The following MBD2 variants were observed in gnomAD, a reference collection of about 807,000 sequenced individuals.
MBD2 encodes the protein methyl-CpG-binding domain protein 2.
MBD2 carries 9 observed loss-of-function variants against 39.3 expected under a neutral mutation model. The observed-to-expected ratio is 0.23, with a 90% CI of 0.14 to 0.40. The LOEUF (loss-of-function observed/expected upper bound fraction) is 0.40, where lower values mean the gene tolerates loss of function less well. Among genes scored for constraint, MBD2 ranks in the 10% least tolerant of loss-of-function variants. MBD2 has a pLI of 1.00. For synonymous variants in MBD2, 233 were observed against 211.1 expected (o/e 1.10, Z -0.90); for missense variants, 458 against 532.6 (o/e 0.86, Z 1.38).
At chr18:54,164,397 A>G in intron 5 of MBD2, 126 bp downstream of exon 5, 1 of 827,226 alleles carries the variant, frequency 1.2e-6, no homozygotes, top group Non-Finnish European at 1.9e-6. Context: ...ACTCTGTTAA[A>G]AAAGAAAAGT....
At chr18:54,160,995 C>G (rs2086093387) in intron 5 of MBD2, among the ~76,000 whole-genome samples, 1 of 151,614 alleles carries the variant, frequency 6.6e-6, no homozygotes, top group Non-Finnish European at 1.5e-5. Context: ...AAGTAATTTT[C>G]TCTACCAATA....
At chr18:54,169,559 A>G (rs1262759769) in intron 3 of MBD2, among the ~76,000 whole-genome samples, 1 of 152,238 alleles carries the variant, frequency 6.6e-6, no homozygotes, top group Non-Finnish European at 1.5e-5. Flanking sequence ...TTAGAAGTCC[A>G]AAGACAGTAA....
intron 3 of MBD2, among the ~76,000 whole-genome samples, chr18:54,172,207 G>GT (rs2086183580): frequency 6.6e-6 from 1 of 152,300 alleles, no homozygotes; most frequent in East Asian, 1.9e-4. Flanking sequence ...CCAGCATAGA[G>GT]TTTTATGGGG....
intron 6 of MBD2, among the ~76,000 whole-genome samples, chr18:54,155,632 A>G (rs2086046878): frequency 6.6e-6 from 1 of 152,244 alleles, no homozygotes; most frequent in Admixed American, 6.5e-5. Context: ...CAAAGGGCAT[A>G]CAAATGAAAA....
chr18:54,213,609 T>C (rs1314639953), intron 1 of MBD2, among the ~76,000 whole-genome samples: 1 of 152,082 alleles, frequency 6.6e-6, no homozygotes, highest in Admixed American at 6.5e-5. Context: ...AAAAGAAAAA[T>C]ACTGGTTATT....
intron 2 of MBD2, among the ~76,000 whole-genome samples, chr18:54,192,151 T>G (rs1413393158): frequency 6.6e-6 from 1 of 152,224 alleles, no homozygotes; most frequent in Non-Finnish European, 1.5e-5. Context: ...TTAAGCAGCT[T>G]CACACATAAA....
intron 5 of MBD2, among the ~76,000 whole-genome samples, chr18:54,163,197 G>A (rs930993322): frequency 1.5e-4 from 23 of 152,214 alleles, no homozygotes; most frequent in African/African-American, 2.6e-4. Flanking sequence ...GCTTGAACCC[G>A]GGAGGCAGAG....
chr18:54,223,295 T>C (rs138563051), intron 1 of MBD2, among the ~76,000 whole-genome samples: 166 of 152,308 alleles, frequency 1.1e-3, no homozygotes, highest in East Asian at 1.9e-4. Context: ...AGGTGACAAT[T>C]TGGGCCAGAT....
intron 6 of MBD2, among the ~76,000 whole-genome samples, chr18:54,157,281 G>A (rs1174686356): frequency 6.7e-6 from 1 of 149,180 alleles, no homozygotes; most frequent in Non-Finnish European, 1.5e-5. Context: ...TTTTTTTTGA[G>A]ACAGAGTCTC....
intron 2 of MBD2, among the ~76,000 whole-genome samples, chr18:54,189,687 T>C (rs1235545550): frequency 6.6e-6 from 1 of 152,144 alleles, no homozygotes; most frequent in Non-Finnish European, 1.5e-5. Flanking sequence ...TCTCACTCTG[T>C]TGCCCAGACT....
At chr18:54,178,350 C>T (rs1361235737) in intron 3 of MBD2, among the ~76,000 whole-genome samples, 1 of 151,970 alleles carries the variant, frequency 6.6e-6, no homozygotes, top group Non-Finnish European at 1.5e-5. Flanking sequence ...TATATAAACA[C>T]AGTGACAGAA....
intron 1 of MBD2, among the ~76,000 whole-genome samples, chr18:54,207,985 C>T (rs2144335655): frequency 6.6e-6 from 1 of 152,168 alleles, no homozygotes; most frequent in Middle Eastern, 3.4e-3. Context: ...TTGCAGTGAG[C>T]TGAGATCGCA....
In MBD2 at chr18:54,171,352, G is replaced by A. The variant is rs191086716; in HGVS notation, c.841-5186C>T. Among the ~76,000 whole-genome samples the A allele has an allele frequency of 1.1e-4, 17 of 151,698 alleles. 1 individual carries two copies. In the South Asian group the frequency reaches 1.7e-3, roughly 15 times the overall value. On this transcript the variant is annotated intron_variant, in intron 3 of 6. Coordinates refer to ENST00000256429, the MANE Select transcript of MBD2 (RefSeq NM_003927.5). ...GTGGAGGTTGCAGTGAGCTGGGATC[G>A]CACCATTGCACTCCAGCCTGGGTGA...
At chr18:54,157,132 T>A (rs2086057957) in intron 6 of MBD2, among the ~76,000 whole-genome samples, 1 of 151,944 alleles carries the variant, frequency 6.6e-6, no homozygotes, top group African/African-American at 2.4e-5. Context: ...GCATATTAAG[T>A]ATACTCATCA....
rs371695799 is a variant in MBD2 at position 54,203,065 on chromosome 18, G to A, written c.702+1933C>T. ...TATGAGCAAGCAGAGTCTTGAAAGCGCATGCCATGGTGCAGGACGATGAGT... is the reference window on the plus strand; with the variant it reads ...TATGAGCAAGCAGAGTCTTGAAAGCACATGCCATGGTGCAGGACGATGAGT... On this transcript the variant is annotated intron_variant, in intron 2 of 6. Coordinates refer to ENST00000256429, the MANE Select transcript of MBD2 (RefSeq NM_003927.5). The A allele has an allele frequency of 1.0e-5, 15 of 1,484,292 alleles. No homozygotes were observed. The African/African-American group carries it at 1.2e-4, about 12-fold the overall frequency. The allele number at this position is 1,484,292 out of a possible 1,614,324, so 91.9% of individuals were successfully genotyped here.
intron 2 of MBD2, 80 bp from the exon 3 acceptor site, chr18:54,189,091 T>C: frequency 1.1e-6 from 1 of 929,980 alleles, no homozygotes; most frequent in South Asian, 2.4e-5. Context: ...CAATATCTAT[T>C]ACTTTAAATC....
chr18:54,157,650 T>C lies in MBD2; in HGVS notation c.*12+2115A>G, dbSNP rs184712627. Among the ~76,000 whole-genome samples, 171 of 152,314 alleles carry C rather than the reference T, an allele frequency of 1.1e-3. 2 individuals carry two copies. The highest frequency in any genetic ancestry group is 3.9e-3 in the African/African-American group (164 of 41,570). On this transcript the variant is annotated intron_variant, in intron 6 of 6. Transcript: ENST00000256429. ...TAAATGTAAGACATTATATGTATTATTGGATTTTGGTCTTGCTGTGGCATG... is the reference window on the plus strand; with the variant it reads ...TAAATGTAAGACATTATATGTATTACTGGATTTTGGTCTTGCTGTGGCATG...
At chr18:54,218,412 A>C (rs2086580187) in intron 1 of MBD2, among the ~76,000 whole-genome samples, 1 of 152,250 alleles carries the variant, frequency 6.6e-6, no homozygotes, top group Non-Finnish European at 1.5e-5. Context: ...AATAGTAAAT[A>C]ATCACATTAT....
intron 1 of MBD2, among the ~76,000 whole-genome samples, chr18:54,208,634 A>T (rs1214538357): frequency 6.6e-6 from 1 of 152,250 alleles, no homozygotes; most frequent in Non-Finnish European, 1.5e-5. Flanking sequence ...AGTAACTCTT[A>T]CCAAAAAGAT....
Sources: allele counts gnomAD v4.1 joint callset (sites outside exome capture counted in the v4.1 genomes callset), GRCh38; gene constraint gnomAD v4.1.1; transcripts MANE v1.5; gene names NCBI Gene and HGNC (gene_info 2026-07-23, HGNC 2026-07-21).